FAM133A: variants seen among roughly 807,000 people sequenced by gnomAD.
The protein encoded by FAM133A is family with sequence similarity 133 member A.
For synonymous variants in FAM133A, 65 were observed against 58.6 expected (o/e 1.11, Z -0.50); for missense variants, 159 against 164.4 (o/e 0.97, Z 0.18).
chrX:93,704,343 T>C (rs761390441), intron 3 of FAM133A, among the ~76,000 whole-genome samples: 29 of 111,831 alleles, frequency 2.6e-4, no homozygotes, highest in Non-Finnish European at 1.9e-5. Flanking sequence ...TTAAATCCTT[T>C]AAGAAACTTT....
In FAM133A at chrX:93,711,952, A is replaced by G. The variant is rs41435748; in HGVS notation, c.*1786A>G. 9,876 of 123,111 alleles carry G rather than the reference A, an allele frequency of 0.08. 1,030 individuals are homozygous for G. Among genetic ancestry groups the G allele is most frequent in the African/African-American group, 0.29 (8,994 of 30,566 alleles). 10.1% of individuals were successfully genotyped at this position (123,111 alleles called of 1,213,427 possible). On this transcript the variant is annotated 3_prime_UTR_variant, in exon 4 of 4. Transcript: ENST00000683942. ...AATATGGCAAAAGCATTTACAGCTC[A>G]TCATGTATCTATCTGCTCCTGTTCA...
chrX:93,710,422 CTT>C lies in FAM133A; in HGVS notation c.*258_*259del. On this transcript the variant is annotated 3_prime_UTR_variant, in exon 4 of 4. Coordinates refer to ENST00000683942, the MANE Select transcript of FAM133A (RefSeq NM_001171109.2). The stretch of plus-strand genomic sequence containing the variant: ...GTAAAATGTGTTAGATAATGAATAA[CTT>C]TGACAAAAAAAAGTGTATCTAAGGT... The C allele has an allele frequency of 3.6e-6, 1 of 277,485 alleles. No homozygotes were observed. The highest frequency in any genetic ancestry group is 6.6e-6 in the Non-Finnish European group (1 of 151,588). The allele number at this position is 277,485 out of a possible 1,213,427, so 22.9% of individuals were successfully genotyped here. A position where few individuals can be genotyped will look rare whatever the true frequency, so the allele number is the denominator to read the frequency against.
intron 2 of FAM133A, among the ~76,000 whole-genome samples, chrX:93,679,958 T>TTTTTTTC (rs1569344510): frequency 1.2e-4 from 9 of 72,862 alleles, no homozygotes; most frequent in African/African-American, 3.6e-4. Context: ...TTTTTTTTTT[T>TTTTTTTC]AGTAGAGACA....
chrX:93,696,398 A>C (rs936783968), intron 2 of FAM133A, among the ~76,000 whole-genome samples: 1 of 111,539 alleles, frequency 9.0e-6, no homozygotes, highest in African/African-American at 3.3e-5. Flanking sequence ...TCATCTTCTC[A>C]TAGCCACCTC....
In FAM133A at chrX:93,710,071, G is replaced by A; in HGVS notation, c.652G>A (p.Ala218Thr). The change falls in exon 4 of 4, where the codon GCA becomes ACA. Residue 218 changes from alanine to threonine, a missense_variant. Physicochemically the swap from Ala to Thr is moderately conservative, Grantham distance 58 (BLOSUM62 0). Transcript: ENST00000683942. ...GAGAAGGTGTGAAGAGCGAGAACAA[G>A]CAAAGGAAAAAGTAAAGAAGAAGAA... ...KKRRCEEREQ[A>T]KEKVKKKKKK... 8.3e-7 allele frequency: 1 copy of A among 1,200,737 alleles called. No homozygotes were observed. Among genetic ancestry groups the A allele is most frequent in the Non-Finnish European group, 1.1e-6 (1 of 889,253 alleles).
chrX:93,674,093 A>C, upstream of FAM133A: 1 of 110,431 alleles, frequency 9.1e-6, no homozygotes, highest in Admixed American at 9.7e-5. Context: ...TTTTCTCTAA[A>C]TATTCTATGA....
In FAM133A at chrX:93,711,087, G is replaced by A. The variant is rs1216410505; in HGVS notation, c.*921G>A. On this transcript the variant is annotated 3_prime_UTR_variant, in exon 4 of 4. Transcript: ENST00000683942. ...TTTTTAAGATATGATTTATGCTTAG[G>A]ATATAAGTTTCAAGTTTTTAGTTTC... is the stretch of plus-strand genomic sequence containing the variant. 8.2e-6 allele frequency: 1 copy of A among 122,514 alleles called. No homozygotes were observed. The highest frequency in any genetic ancestry group is 1.9e-5 in the Non-Finnish European group (1 of 53,042). The allele number at this position is 122,514 out of a possible 1,213,427, so 10.1% of individuals were successfully genotyped here.
At position 93,687,881 on chromosome X, in the gene FAM133A, C is replaced by T. The variant is rs761662315; in HGVS notation, c.-192-10516C>T. Among the ~76,000 whole-genome samples, 5 of 111,857 alleles carry T rather than the reference C, an allele frequency of 4.5e-5. No individual in the cohort carries two copies. In the South Asian group the frequency reaches 1.5e-3, roughly 33 times the overall value. On this transcript the variant is annotated intron_variant, in intron 2 of 3. Transcript: ENST00000683942. ...CATAAGAACAACTTTTTAAATTCTA[C>T]GTATTAGTGAGACCATGTGGAATCT...
intron 2 of FAM133A, among the ~76,000 whole-genome samples, chrX:93,692,467 G>C (rs1440092796): frequency 8.9e-6 from 1 of 111,954 alleles, no homozygotes; most frequent in South Asian, 3.7e-4. Flanking sequence ...ACTAACACTT[G>C]TCTTATAAAG....
Position 93,679,532 on chromosome X carries a change from G to A in FAM133A, c.-193+4780G>A, listed in dbSNP as rs766141718. 6.3e-5 allele frequency among the ~76,000 whole-genome samples: 7 copies of A among 110,429 alleles called. No individual in the cohort carries two copies. The South Asian group carries it at 2.7e-3, about 42-fold the overall frequency. On this transcript the variant is annotated intron_variant, in intron 2 of 3. Coordinates refer to ENST00000683942, the MANE Select transcript of FAM133A (RefSeq NM_001171109.2). ...GATAAGGAAAATTGTTTCCCAATTT[G>A]GATATTTAACATAGCGCTATTTTTT...
At chrX:93,688,813 A>T (rs1305553405) in intron 2 of FAM133A, among the ~76,000 whole-genome samples, 1 of 110,819 alleles carries the variant, frequency 9.0e-6, no homozygotes, top group Non-Finnish European at 1.9e-5. Context: ...AGAGAAAAAA[A>T]TACAAGTATG....
intron 3 of FAM133A, among the ~76,000 whole-genome samples, chrX:93,699,283 T>A (rs1334395117): frequency 9.0e-6 from 1 of 111,345 alleles, no homozygotes; most frequent in Non-Finnish European, 1.9e-5. Flanking sequence ...TAGCCAAAAC[T>A]GAAAGGTAAA....
Position 93,709,403 on chromosome X carries a change from T to A in FAM133A, c.-17T>A. ...TCCTTGGCAACTGAGAGTCTGCCCT[T>A]GGAAACATCAGGCACCATGGGGAAG... On this transcript the variant is annotated 5_prime_UTR_variant, in exon 4 of 4. Coordinates refer to ENST00000683942, the MANE Select transcript of FAM133A (RefSeq NM_001171109.2). 8.9e-7 allele frequency: 1 copy of A among 1,124,136 alleles called. No individual in the cohort carries two copies. The highest frequency in any genetic ancestry group is 1.9e-5 in the African/African-American group (1 of 53,526). The allele number at this position is 1,124,136 out of a possible 1,213,427, so 92.6% of individuals were successfully genotyped here.
intron 2 of FAM133A, among the ~76,000 whole-genome samples, chrX:93,696,136 A>G (rs749860911): frequency 8.9e-6 from 1 of 111,743 alleles, no homozygotes; most frequent in African/African-American, 3.3e-5. Flanking sequence ...TAAGCCTGTG[A>G]TTGGTCAGAA....
At chrX:93,692,141 A>G (rs1925935077) in intron 2 of FAM133A, among the ~76,000 whole-genome samples, 1 of 111,749 alleles carries the variant, frequency 8.9e-6, no homozygotes, top group African/African-American at 3.2e-5. Context: ...TATTTGCATT[A>G]TACTTACCGA....
chrX:93,690,090 A>C (rs1295917723), intron 2 of FAM133A, among the ~76,000 whole-genome samples: 1 of 110,819 alleles, frequency 9.0e-6, no homozygotes, highest in Non-Finnish European at 1.9e-5. Context: ...ACTTGGGTGT[A>C]AAGAGTGTTA....
chrX:93,688,373 C>T (rs190224385), intron 2 of FAM133A, among the ~76,000 whole-genome samples: 4 of 110,531 alleles, frequency 3.6e-5, no homozygotes, highest in Non-Finnish European at 5.7e-5. Context: ...TTCACTGGTC[C>T]CCGAATCACT....
intron 2 of FAM133A, among the ~76,000 whole-genome samples, chrX:93,690,706 A>G (rs902320336): frequency 1.8e-5 from 2 of 111,773 alleles, no homozygotes; most frequent in Non-Finnish European, 3.8e-5. Flanking sequence ...ATTTGTGTAG[A>G]CAAATGTTTT....
intron 3 of FAM133A, among the ~76,000 whole-genome samples, chrX:93,706,476 A>G (rs191338989): frequency 2.8e-3 from 315 of 111,681 alleles, no homozygotes; most frequent in African/African-American, 9.0e-3. Flanking sequence ...CCTAGCTATC[A>G]CTCAGCGACT....
Sources: gnomAD v4.1 joint callset for allele counts (sites outside exome capture counted in the v4.1 genomes callset) on GRCh38, gnomAD v4.1.1 for gene constraint, MANE v1.5 for transcripts, NCBI Gene and HGNC (gene_info 2026-07-23, HGNC 2026-07-21) for gene names.